SEMA3A: variants seen among roughly 807,000 people sequenced by gnomAD.
SEMA3A encodes semaphorin-3A.
SEMA3A carries 29 observed loss-of-function variants against 97.9 expected under a neutral mutation model. That is an observed-to-expected ratio of 0.30 (90% CI 0.22 to 0.40). The LOEUF is 0.40. Among genes scored for constraint, SEMA3A ranks in the 10% least tolerant of loss-of-function variants. The pLI is 1.00. For synonymous variants in SEMA3A, 321 were observed against 323.7 expected, an observed-to-expected ratio of 0.99 and a Z score of 0.09; for missense variants, 763 against 951.3, an observed-to-expected ratio of 0.80 and a Z score of 2.60.
intron 3 of SEMA3A, among the ~76,000 whole-genome samples, chr7:84,210,443 C>T (rs936852579): frequency 8.6e-5 from 13 of 151,998 alleles, no homozygotes; most frequent in African/African-American, 2.9e-4. Context: ...AATAGGAGAG[C>T]GTGTGTGAGT....
chr7:84,485,356 A>G (rs1350155826), intron 1 of SEMA3A, among the ~76,000 whole-genome samples: 1 of 150,846 alleles, frequency 6.6e-6, no homozygotes. Flanking sequence ...ACACATGAAA[A>G]TACATGTTAA....
intron 2 of SEMA3A, among the ~76,000 whole-genome samples, chr7:84,308,321 A>G (rs73711511): frequency 0.018 from 2,688 of 152,300 alleles, 79 homozygotes; most frequent in African/African-American, 0.062. Flanking sequence ...TATGCTAGGT[A>G]TATAGGTAAG....
intron 6 of SEMA3A, among the ~76,000 whole-genome samples, chr7:84,015,349 G>A (rs1791057183): frequency 6.6e-6 from 1 of 152,124 alleles, no homozygotes; most frequent in African/African-American, 2.4e-5. Flanking sequence ...AAAGAAAAAT[G>A]GTGAGGGGAG....
chr7:84,266,233 A>C (rs1309752328), intron 3 of SEMA3A, among the ~76,000 whole-genome samples: 1 of 149,362 alleles, frequency 6.7e-6, no homozygotes, highest in Non-Finnish European at 1.5e-5. Flanking sequence ...AGGCAGGAGA[A>C]TTGCTGGAAC....
chr7:84,264,031 A>G (rs1357339874), intron 3 of SEMA3A, among the ~76,000 whole-genome samples: 5 of 152,222 alleles, frequency 3.3e-5, no homozygotes, highest in African/African-American at 1.2e-4. Flanking sequence ...AACAGTCAGC[A>G]TTATCACTAC....
At chr7:84,382,402 A>G (rs1364604665) in intron 1 of SEMA3A, among the ~76,000 whole-genome samples, 1 of 151,084 alleles carries the variant, frequency 6.6e-6, no homozygotes, top group African/African-American at 2.4e-5. Context: ...CCACTGTGCC[A>G]GCCCTCATAT....
chr7:84,240,754 T>C (rs946260666), intron 3 of SEMA3A, among the ~76,000 whole-genome samples: 8 of 152,108 alleles, frequency 5.3e-5, no homozygotes, highest in African/African-American at 1.9e-4. Flanking sequence ...TAGCCCCCTC[T>C]AGCCCACCAC....
intron 15 of SEMA3A, among the ~76,000 whole-genome samples, chr7:83,968,870 G>A (rs1442797403): frequency 7.1e-6 from 1 of 141,322 alleles, no homozygotes; most frequent in Non-Finnish European, 1.5e-5. Flanking sequence ...GAGTGCAGTG[G>A]CACGATCTCG....
chr7:84,270,612 T>C (rs1216033116), intron 3 of SEMA3A, among the ~76,000 whole-genome samples: 1 of 147,838 alleles, frequency 6.8e-6, no homozygotes, highest in Non-Finnish European at 1.5e-5. Context: ...ATATTATTCA[T>C]ATATATGCAT....
At chr7:84,295,628 TTCTAAG>T (rs762196993) in intron 3 of SEMA3A, among the ~76,000 whole-genome samples, 3 of 152,014 alleles carry the variant, frequency 2.0e-5, no homozygotes, top group Admixed American at 6.6e-5. Context: ...ATAAAATCTA[TTCTAAG>T]TCTAATTTTG....
intron 3 of SEMA3A, among the ~76,000 whole-genome samples, chr7:84,235,464 ATAT>A (rs1799214844): frequency 6.6e-6 from 1 of 151,950 alleles, no homozygotes; most frequent in Non-Finnish European, 1.5e-5. Context: ...ATTACTTTTG[ATAT>A]TATTGTTTCT....
chr7:84,049,018 G>A (rs76944580), intron 5 of SEMA3A, among the ~76,000 whole-genome samples: 7,284 of 151,960 alleles, frequency 0.048, 208 homozygotes, highest in South Asian at 0.081. Flanking sequence ...TAATGTAAAG[G>A]CAGAAATAAT....
intron 1 of SEMA3A, among the ~76,000 whole-genome samples, chr7:84,384,492 T>G (rs370979181): frequency 6.6e-6 from 1 of 152,222 alleles, no homozygotes; most frequent in East Asian, 1.9e-4. Flanking sequence ...GGAAAGGTTT[T>G]TTTATATAGT....
intron 3 of SEMA3A, among the ~76,000 whole-genome samples, chr7:84,118,474 C>G (rs1175812710): frequency 6.6e-6 from 1 of 152,148 alleles, no homozygotes; most frequent in Non-Finnish European, 1.5e-5. Context: ...AATTAAGCTG[C>G]AACCATTACA....
chr7:84,157,988 T>C (rs964839130), intron 1 of SEMA3A, among the ~76,000 whole-genome samples: 1 of 152,086 alleles, frequency 6.6e-6, no homozygotes, highest in African/African-American at 2.4e-5. Flanking sequence ...AGAGCCAGTA[T>C]CTAATTAATT....
rs202212547 is a variant in SEMA3A at position 84,194,564 on chromosome 7, A to G, written c.23T>C (p.Val8Ala). The stretch of plus-strand genomic sequence containing the variant: ...AAGTAATACTCCCCAGAAAAGACAG[A>G]CAATCCTAGTTAACCAGCCCATGCT... The part of the protein sequence containing the change: MGWLTRI[V>A]CLFWGVLLTA... Residue 8 changes from valine (V) to alanine (A), a missense_variant, in exon 1 of 17, where the codon GTC (valine) becomes GCC (alanine). Val to Ala is a moderately conservative substitution (Grantham distance 64, BLOSUM62 0). Coordinates refer to ENST00000265362, the MANE Select transcript of SEMA3A (RefSeq NM_006080.3). 1.2e-5 allele frequency: 19 copies of G among 1,612,288 alleles called. No individual in the cohort carries two copies. Among genetic ancestry groups the G allele is most frequent in the Non-Finnish European group, 1.6e-5 (19 of 1,178,516 alleles).
chr7:84,171,398 C>T (rs1797377832), intron 1 of SEMA3A, among the ~76,000 whole-genome samples: 1 of 152,004 alleles, frequency 6.6e-6, no homozygotes, highest in South Asian at 2.1e-4. Context: ...AACTGAGGGA[C>T]TTACAACACT....
Position 84,227,154 on chromosome 7 carries a change from CTATCTATATATG to C in SEMA3A, c.-82-32498_-82-32487del, listed in dbSNP as rs528919054. On this transcript the variant is annotated intron_variant, in intron 3 of 3. Transcript: ENST00000424555. ...TATATCTATATAGATATCTATATAT[CTATCTATATATG>C]TATCTATATATCTATATCTATATAG... Among the ~76,000 whole-genome samples, 179 of 151,526 alleles carry C rather than the reference CTATCTATATATG, an allele frequency of 1.2e-3. 2 individuals carry two copies. The highest frequency in any genetic ancestry group is 4.3e-3 in the African/African-American group (178 of 41,362).
At chr7:84,382,611 T>G (rs977808640) in intron 1 of SEMA3A, among the ~76,000 whole-genome samples, 3 of 146,464 alleles carry the variant, frequency 2.0e-5, no homozygotes, top group Admixed American at 7.1e-5. Context: ...GTAATCCCAG[T>G]GCTTTGGGAG....
Sources: gnomAD v4.1 joint callset for allele counts (sites outside exome capture counted in the v4.1 genomes callset) on GRCh38, gnomAD v4.1.1 for gene constraint, MANE v1.5 for transcripts, NCBI Gene and HGNC (gene_info 2026-07-23, HGNC 2026-07-21) for gene names.